Variants in PIGK observed in about 807,000 individuals in gnomAD.
PIGK encodes GPI-anchor transamidase.
In PIGK, 42 loss-of-function variants were observed where a neutral mutation model predicts 50.6. That is an observed-to-expected ratio of 0.83 (90% CI 0.65 to 1.07). The LOEUF is 1.07. PIGK is among the 50% of genes least tolerant of loss of function. The pLI, the probability that PIGK is intolerant of heterozygous loss-of-function variation, is 0.00. For missense variants in PIGK, 448 were observed against 488.7 expected (o/e 0.92, Z 0.78); for synonymous variants, 151 against 156.0 (o/e 0.97, Z 0.24).
At chr1:77,156,284 G>T (rs1001200395) in intron 8 of PIGK, among the ~76,000 whole-genome samples, 2 of 152,066 alleles carry the variant, frequency 1.3e-5, no homozygotes, top group African/African-American at 4.8e-5. Flanking sequence ...AAATGGGCCT[G>T]GGAAACACTG....
intron 10 of PIGK, among the ~76,000 whole-genome samples, chr1:77,106,054 G>C (rs1308732136): frequency 6.6e-6 from 1 of 152,146 alleles, no homozygotes; most frequent in Non-Finnish European, 1.5e-5. Flanking sequence ...ATTTTACATG[G>C]TATCAAAAGA....
chr1:77,193,186 T>C (rs1385183626), intron 3 of PIGK, among the ~76,000 whole-genome samples: 1 of 151,968 alleles, frequency 6.6e-6, no homozygotes, highest in Non-Finnish European at 1.5e-5. Flanking sequence ...TAAAGAGATA[T>C]AACATAACAC....
chr1:77,094,681 G>T (rs1653368994), intron 10 of PIGK, among the ~76,000 whole-genome samples: 1 of 152,112 alleles, frequency 6.6e-6, no homozygotes, highest in African/African-American at 2.4e-5. Context: ...AGTTGCCAGA[G>T]ATAAGACAAC....
At chr1:77,108,795 T>C (rs1357429927) in intron 10 of PIGK, among the ~76,000 whole-genome samples, 1 of 152,202 alleles carries the variant, frequency 6.6e-6, no homozygotes, top group African/African-American at 2.4e-5. Context: ...CATTTCTTTC[T>C]ATTCTTTTTT....
At chr1:77,152,791 A>T (rs940912921) in intron 9 of PIGK, among the ~76,000 whole-genome samples, 1 of 152,158 alleles carries the variant, frequency 6.6e-6, no homozygotes, top group African/African-American at 2.4e-5. Flanking sequence ...ATCACTAATC[A>T]TCAAAGAAAT....
At chr1:77,210,227 T>A (rs1656385191) in intron 2 of PIGK, among the ~76,000 whole-genome samples, 1 of 152,086 alleles carries the variant, frequency 6.6e-6, no homozygotes, top group Non-Finnish European at 1.5e-5. Context: ...TATTTTCAGA[T>A]CACCACTTGA....
intron 9 of PIGK, 74 bp from the exon 10 acceptor site, chr1:77,122,433 C>G (rs1308656226): frequency 5.0e-6 from 4 of 799,666 alleles, no homozygotes; most frequent in Non-Finnish European, 8.4e-6. Flanking sequence ...TTAAATATGT[C>G]AAATATGAAA....
At chr1:77,158,284 T>C (rs1318009423) in intron 8 of PIGK, among the ~76,000 whole-genome samples, 1 of 152,034 alleles carries the variant, frequency 6.6e-6, no homozygotes, top group African/African-American at 2.4e-5. Flanking sequence ...CCCAAAGTGC[T>C]GGGATTACAG....
chr1:77,198,498 G>T (rs951879916), intron 3 of PIGK, among the ~76,000 whole-genome samples: 20 of 151,900 alleles, frequency 1.3e-4, no homozygotes, highest in African/African-American at 4.8e-4. Flanking sequence ...ATTGTTTGAA[G>T]ATTTTATGGC....
intron 9 of PIGK, among the ~76,000 whole-genome samples, chr1:77,150,500 A>G (rs184111307): frequency 1.8e-4 from 28 of 151,784 alleles, no homozygotes; most frequent in African/African-American, 6.3e-4. Flanking sequence ...AAAAAAAAAA[A>G]AAAGAAAGAA....
intron 9 of PIGK, among the ~76,000 whole-genome samples, chr1:77,126,755 T>C: frequency 6.6e-6 from 1 of 152,180 alleles, no homozygotes; most frequent in East Asian, 1.9e-4. Flanking sequence ...AAACTACAAA[T>C]ATTAATTTCA....
At chr1:77,097,254 A>G (rs1173777231) in intron 10 of PIGK, among the ~76,000 whole-genome samples, 1 of 152,126 alleles carries the variant, frequency 6.6e-6, no homozygotes, top group African/African-American at 2.4e-5. Flanking sequence ...TCTTCCGGAA[A>G]GAGAGAAACT....
chr1:77,180,368 A>G (rs1035160881), intron 3 of PIGK, among the ~76,000 whole-genome samples: 2 of 142,978 alleles, frequency 1.4e-5, no homozygotes, highest in African/African-American at 5.8e-5. Context: ...TTTCAAAATC[A>G]TGCATTCCTA....
At chr1:77,170,799 A>T (rs186812985) in intron 3 of PIGK, among the ~76,000 whole-genome samples, 32 of 152,322 alleles carry the variant, frequency 2.1e-4, no homozygotes, top group Admixed American at 1.8e-3. Flanking sequence ...AGCATAAGGG[A>T]AAAATTAATG....
chr1:77,153,431 C>G (rs1283630165), intron 9 of PIGK: 4 of 151,864 alleles, frequency 2.6e-5, no homozygotes, highest in Admixed American at 2.0e-4. Flanking sequence ...TAGTATTTGA[C>G]AGAATAGTAG....
Position 77,154,573 on chromosome 1 carries a change from T to C in PIGK, c.862A>G (p.Thr288Ala). ...SLCVSTPGHR[T>A]DLFQRDPKNV... is the part of the protein sequence containing the mutation. Reference sequence around the variant, plus strand: ...TTAGGATCCCTCTGAAAAAGATCAGTGCGATGTCCAGGAGTAGACACACAC... The same window carrying C: ...TTAGGATCCCTCTGAAAAAGATCAGCGCGATGTCCAGGAGTAGACACACAC... Residue 288 changes from threonine to alanine, a missense_variant, in exon 9 of 11, where the codon ACT becomes GCT. By Grantham distance (58) the Thr-to-Ala change is moderately conservative. Coordinates refer to ENST00000370812, the MANE Select transcript of PIGK (RefSeq NM_005482.3). The C allele has an allele frequency of 1.2e-6, 2 of 1,612,948 alleles. No homozygotes were observed. Among genetic ancestry groups the C allele is most frequent in the Non-Finnish European group, 1.7e-6 (2 of 1,179,142 alleles).
chr1:77,111,378 C>A (rs1397079301), intron 10 of PIGK, among the ~76,000 whole-genome samples: 6 of 152,068 alleles, frequency 3.9e-5, no homozygotes, highest in African/African-American at 7.2e-5. Context: ...CAATGACAGA[C>A]TGGATTAAGA....
intron 3 of PIGK, chr1:77,195,275 AGGTCCT>A: frequency 7.5e-7 from 1 of 1,333,192 alleles, no homozygotes; most frequent in Non-Finnish European, 1.1e-6. Flanking sequence ...AGGGTGGCTG[AGGTCCT>A]GGAAGGCAAA....
intron 10 of PIGK, among the ~76,000 whole-genome samples, chr1:77,119,557 A>G (rs1267412041): frequency 6.6e-6 from 1 of 152,170 alleles, no homozygotes; most frequent in East Asian, 1.9e-4. Context: ...ATACAGTCAT[A>G]TTTTCTAGGA....
Sources: gnomAD v4.1 joint callset for allele counts (sites outside exome capture counted in the v4.1 genomes callset) on GRCh38, gnomAD v4.1.1 for gene constraint, MANE v1.5 for transcripts, NCBI Gene and HGNC (gene_info 2026-07-23, HGNC 2026-07-21) for gene names.